The following ROCK2 variants were observed in gnomAD, a reference collection of about 807,000 sequenced individuals.
ROCK2 encodes Rho associated coiled-coil containing protein kinase 2.
A neutral mutation model predicts 195.1 loss-of-function variants in ROCK2; 61 were observed. That is an observed-to-expected ratio of 0.31 (90% confidence interval 0.25 to 0.39). The LOEUF (loss-of-function observed/expected upper bound fraction) is 0.39, where lower values mean the gene tolerates loss of function less well. Among genes scored for constraint, ROCK2 ranks in the 10% least tolerant of loss-of-function variants. ROCK2 has a pLI of 1.00. For missense variants in ROCK2, 1,109 were observed against 1,637.4 expected, an observed-to-expected ratio of 0.68 and a Z score of 5.57; for synonymous variants, 504 against 545.5, an observed-to-expected ratio of 0.92 and a Z score of 1.06.
intron 1 of ROCK2, among the ~76,000 whole-genome samples, chr2:11,305,835 T>G (rs1667843287): frequency 1.3e-5 from 2 of 152,224 alleles, no homozygotes; most frequent in African/African-American, 2.4e-5. Flanking sequence ...CATTCTGTAC[T>G]ATTTTTGCAA....
chr2:11,308,238 G>A (rs768430369), intron 1 of ROCK2: 81 of 1,329,712 alleles, frequency 6.1e-5, no homozygotes, highest in East Asian at 1.6e-4. Flanking sequence ...TTAGAATTGC[G>A]AAGTACAGCT....
chr2:11,270,189 G>A (rs1405583370), intron 3 of ROCK2, among the ~76,000 whole-genome samples: 1 of 151,926 alleles, frequency 6.6e-6, no homozygotes, highest in Admixed American at 6.6e-5. Context: ...CTTTTTGCTT[G>A]CATGGTTTCT....
intron 4 of ROCK2, among the ~76,000 whole-genome samples, chr2:11,238,204 G>GA (rs1665283266): frequency 7.0e-6 from 1 of 142,038 alleles, no homozygotes; most frequent in Non-Finnish European, 1.5e-5. Flanking sequence ...ACCAAATTGA[G>GA]AAAGAGTGTG....
At chr2:11,187,657 C>T (rs1429937498) in intron 32 of ROCK2, among the ~76,000 whole-genome samples, 1 of 152,112 alleles carries the variant, frequency 6.6e-6, no homozygotes, top group Non-Finnish European at 1.5e-5. Context: ...GATACTAACT[C>T]ATCTTTCTCA....
At chr2:11,299,293 T>C (rs1457285246) in intron 1 of ROCK2, among the ~76,000 whole-genome samples, 2 of 150,650 alleles carry the variant, frequency 1.3e-5, no homozygotes, top group Non-Finnish European at 3.0e-5. Context: ...AAAAAATCAC[T>C]GGAAATACCC....
intron 1 of ROCK2, among the ~76,000 whole-genome samples, chr2:11,315,704 T>C (rs957756461): frequency 6.6e-6 from 1 of 152,120 alleles, no homozygotes; most frequent in East Asian, 1.9e-4. Flanking sequence ...AAAAAACTCA[T>C]CAGAATGTAG....
rs1295328880 is a variant in ROCK2, at chr2:11,180,198, A to G, written c.*3239T>C. 6.6e-6 allele frequency: 1 copy of G among 152,236 alleles called. No homozygotes were observed. Among genetic ancestry groups the G allele is most frequent in the Non-Finnish European group, 1.5e-5 (1 of 68,040 alleles). 9.4% of individuals were successfully genotyped at this position (152,236 alleles called of 1,614,324 possible). Reference sequence around the variant, plus strand: ...ACACGATTTAAAGCATGTTTCAGTAAGGTTAATATAGTGTCCGAGTTTCTC... The same window carrying G: ...ACACGATTTAAAGCATGTTTCAGTAGGGTTAATATAGTGTCCGAGTTTCTC... On this transcript the variant is annotated 3_prime_UTR_variant, in exon 33 of 33. Coordinates refer to ENST00000315872, the MANE Select transcript of ROCK2 (RefSeq NM_004850.5).
chr2:11,295,186 TG>T (rs1277708400), intron 1 of ROCK2, among the ~76,000 whole-genome samples: 1 of 152,052 alleles, frequency 6.6e-6, no homozygotes, highest in Non-Finnish European at 1.5e-5. Context: ...CAATGTTACC[TG>T]AAACTCCCTA....
chr2:11,275,612 T>C (rs1666796256), intron 3 of ROCK2, among the ~76,000 whole-genome samples: 1 of 151,794 alleles, frequency 6.6e-6, no homozygotes, highest in Non-Finnish European at 1.5e-5. Context: ...ATCGCTGTAT[T>C]AAACCACATT....
At chr2:11,323,542 C>G (rs1452398918) in intron 1 of ROCK2, among the ~76,000 whole-genome samples, 3 of 152,150 alleles carry the variant, frequency 2.0e-5, no homozygotes, top group Non-Finnish European at 4.4e-5. Flanking sequence ...AGAGGTTTCT[C>G]ATTATGTTTG....
Position 11,253,311 on chromosome 2 carries a change from T to C in ROCK2, c.325-3513A>G, listed in dbSNP as rs1014560083. On this transcript the variant is annotated intron_variant, in intron 3 of 32. Transcript: ENST00000315872. ...TTCAGACACACTTATCTTCTCTCAGTTCCTCTAATATAACGAAACTTTCCT... is the reference window on the plus strand; with the variant it reads ...TTCAGACACACTTATCTTCTCTCAGCTCCTCTAATATAACGAAACTTTCCT... Among the ~76,000 whole-genome samples the C allele has an allele frequency of 4.6e-5, 7 of 152,202 alleles. No individual in the cohort carries two copies. In the East Asian group the frequency reaches 1.3e-3, roughly 29 times the overall value.
intron 1 of ROCK2, among the ~76,000 whole-genome samples, chr2:11,288,811 C>A (rs952622015): frequency 1.3e-5 from 2 of 152,210 alleles, no homozygotes; most frequent in Middle Eastern, 3.4e-3. Context: ...GCAGCACACA[C>A]CTGTAATCCC....
chr2:11,286,430 A>G, intron 3 of ROCK2, 109 bp downstream of exon 3: 1 of 701,878 alleles, frequency 1.4e-6, no homozygotes, highest in Non-Finnish European at 2.5e-6. Context: ...TCACAAAGCC[A>G]CCTTCTGGCA....
rs6146630 is a variant in ROCK2, at chr2:11,238,209, AGTGTGT to A, written c.463-2253_463-2248del. 9.9e-3 allele frequency among the ~76,000 whole-genome samples: 1,342 copies of A among 135,364 alleles called. 22 individuals carry two copies. The highest frequency in any genetic ancestry group is 0.037 in the African/African-American group (1,264 of 34,192). The allele number at this position is 135,364 out of a possible 152,430, so 88.8% of individuals were successfully genotyped here. ...AAGGCTGGTTACCAAATTGAGAAAG[AGTGTGT>A]GTGTGTGTGTGTGTGTGTGTGTGTG... On this transcript the variant is annotated intron_variant, in intron 4 of 32. Coordinates refer to ENST00000315872, the MANE Select transcript of ROCK2 (RefSeq NM_004850.5).
chr2:11,239,079 T>C (rs1665331766), intron 4 of ROCK2, among the ~76,000 whole-genome samples: 1 of 151,948 alleles, frequency 6.6e-6, no homozygotes, highest in African/African-American at 2.4e-5. Flanking sequence ...AAATGAATTA[T>C]AGGCCTAAAT....
At chr2:11,223,985 G>C (rs1442919111) in intron 7 of ROCK2, among the ~76,000 whole-genome samples, 2 of 152,156 alleles carry the variant, frequency 1.3e-5, no homozygotes, top group African/African-American at 4.8e-5. Flanking sequence ...ACTCTCAAAA[G>C]TTATATAAGA....
chr2:11,313,737 TAC>T (rs918821054), intron 1 of ROCK2, among the ~76,000 whole-genome samples: 5 of 152,094 alleles, frequency 3.3e-5, no homozygotes, highest in East Asian at 1.9e-4. Context: ...CGGGAATTTG[TAC>T]AGTTTCATTT....
chr2:11,317,071 T>C lies in ROCK2; in HGVS notation c.141+26925A>G, dbSNP rs532727707. 7.9e-5 allele frequency among the ~76,000 whole-genome samples: 12 copies of C among 152,242 alleles called. No homozygotes were observed. The South Asian group carries it at 1.4e-3, about 18-fold the overall frequency. On this transcript the variant is annotated intron_variant, in intron 1 of 32. Coordinates refer to ENST00000315872, the MANE Select transcript of ROCK2 (RefSeq NM_004850.5). ...TATATAACATAAGGTTAAATTATCA[T>C]GAGTCCAGAGTTTATGGTGGTGTTC... is the stretch of plus-strand genomic sequence containing the variant.
At chr2:11,198,448 T>G in intron 25 of ROCK2, 43 bp downstream of exon 25, 7 of 1,344,852 alleles carry the variant, frequency 5.2e-6, no homozygotes, top group Non-Finnish European at 7.4e-6. Context: ...AGAGATAAAC[T>G]GAGACAAAAT....
Sources: gnomAD v4.1 joint callset for allele counts (sites outside exome capture counted in the v4.1 genomes callset) on GRCh38, gnomAD v4.1.1 for gene constraint, MANE v1.5 for transcripts, NCBI Gene and HGNC (gene_info 2026-07-23, HGNC 2026-07-21) for gene names.